DLC1: variants seen among roughly 807,000 people sequenced by gnomAD.
DLC1 encodes DLC1 Rho GTPase activating protein.
In DLC1, 54 loss-of-function variants were observed where a neutral mutation model predicts 140.3. The ratio of observed to expected loss-of-function variants is 0.38; its 90% CI spans 0.31 to 0.48. DLC1 has a LOEUF of 0.48. DLC1 is among the 20% of genes least tolerant of loss of function. DLC1 has a pLI of 0.96. For synonymous variants in DLC1, 986 were observed against 728.1 expected, an observed-to-expected ratio of 1.35 and a Z score of -5.70; for missense variants, 2,536 against 1,907.0, an observed-to-expected ratio of 1.33 and a Z score of -6.14.
At chr8:13,493,799 C>T (rs909669038) in intron 2 of DLC1, among the ~76,000 whole-genome samples, 2 of 152,132 alleles carry the variant, frequency 1.3e-5, no homozygotes, top group Non-Finnish European at 2.9e-5. Context: ...TTCTTTATGT[C>T]ACCCATTGGT....
intron 1 of DLC1, among the ~76,000 whole-genome samples, chr8:13,537,123 AT>A (rs1360601596): frequency 4.4e-5 from 6 of 136,816 alleles, no homozygotes; most frequent in Non-Finnish European, 1.0e-4. Context: ...ATAACAGTAC[AT>A]TAAAAAAAAA....
chr8:13,467,427 G>A (rs1185739775), intron 2 of DLC1, among the ~76,000 whole-genome samples: 2 of 149,452 alleles, frequency 1.3e-5, no homozygotes, highest in African/African-American at 4.9e-5. Context: ...GTTAGGTTAA[G>A]GTAGTTCTAG....
At chr8:13,567,924 G>C (rs1324702398) in intron 1 of DLC1, 11 of 1,550,016 alleles carry the variant, frequency 7.1e-6, no homozygotes, top group Non-Finnish European at 9.6e-6. Flanking sequence ...TCAAACCAGA[G>C]CTGGTGATTG....
chr8:13,465,567 G>C (rs554372866), intron 2 of DLC1, among the ~76,000 whole-genome samples: 16 of 151,820 alleles, frequency 1.1e-4, no homozygotes, highest in Admixed American at 3.9e-4. Context: ...TTTTTTGCCC[G>C]TTCTTCTTCT....
chr8:13,245,605 T>C (rs112532010), intron 5 of DLC1, among the ~76,000 whole-genome samples: 56 of 152,320 alleles, frequency 3.7e-4, no homozygotes, highest in African/African-American at 1.3e-3. Context: ...GACTTTTCTT[T>C]AGGGAAATCC....
At chr8:13,277,010 C>G (rs1024907633) in intron 5 of DLC1, 5 of 152,290 alleles carry the variant, frequency 3.3e-5, no homozygotes, top group Non-Finnish European at 7.3e-5. Context: ...ACAGATCAAT[C>G]TGGATTCCCT....
chr8:13,157,141 C>A (rs1326713909), intron 5 of DLC1, among the ~76,000 whole-genome samples: 1 of 152,218 alleles, frequency 6.6e-6, no homozygotes, highest in Non-Finnish European at 1.5e-5. Context: ...AGGATACCTA[C>A]TTCTCTGCAC....
upstream of DLC1, chr8:13,515,532 A>G (rs1347496322): frequency 6.6e-6 from 1 of 152,208 alleles, no homozygotes; most frequent in Non-Finnish European, 1.5e-5. Flanking sequence ...ATCGTATTAG[A>G]GTCTTGCTGA....
At chr8:13,295,948 T>TTG (rs1563232207) in intron 5 of DLC1, among the ~76,000 whole-genome samples, 1 of 117,946 alleles carries the variant, frequency 8.5e-6, no homozygotes, top group Non-Finnish European at 1.7e-5. Flanking sequence ...CTTTGTTTTT[T>TTG]TTTTTTTTTT....
At position 13,499,304 on chromosome 8, in the gene DLC1, C is replaced by T; in HGVS notation, c.768G>A (p.Glu256=). ...ERSTCNVVQN[E]FLDTPCTNRG... is the part of the protein sequence containing the mutation. The stretch of plus-strand genomic sequence containing the variant: ...TGTTTGTGCAAGGAGTATCCAAGAA[C>T]TCATTTTGTACTACATTGCAGGTGC... The change falls in exon 2 of 18, where the codon GAG becomes GAA. Residue 256 remains glutamate (E), a synonymous_variant. Transcript: ENST00000276297. 1 of 1,614,094 alleles carries T rather than the reference C, an allele frequency of 6.2e-7. No homozygotes were observed. Among genetic ancestry groups the T allele is most frequent in the Non-Finnish European group, 8.5e-7 (1 of 1,180,012 alleles).
intron 2 of DLC1, among the ~76,000 whole-genome samples, chr8:13,405,917 T>TTTTCTTTCTTTCCTTCTTTCTTTC (rs1554514391): frequency 3.5e-5 from 3 of 84,904 alleles, no homozygotes; most frequent in African/African-American, 1.4e-4. Flanking sequence ...CTTTCTTTTC[T>TTTTCTTTCTTTCCTTCTTTCTTTC]TTTCTTTCTT....
chr8:13,122,756 C>A (rs1202194144), intron 5 of DLC1, among the ~76,000 whole-genome samples: 1 of 151,322 alleles, frequency 6.6e-6, no homozygotes, highest in African/African-American at 2.4e-5. Flanking sequence ...AGCATTCCTG[C>A]CCTCAGGTGC....
intron 1 of DLC1, among the ~76,000 whole-genome samples, chr8:13,541,710 T>C (rs1045367691): frequency 2.6e-5 from 4 of 151,992 alleles, no homozygotes; most frequent in African/African-American, 9.7e-5. Context: ...CCACCAAGCC[T>C]GGCTAATTTT....
chr8:13,568,058 C>G, intron 1 of DLC1: 1 of 1,240,050 alleles, frequency 8.1e-7, no homozygotes, highest in African/African-American at 1.5e-5. Context: ...GATTTGAGGA[C>G]TAAGAACTTT....
chr8:13,133,269 C>G (rs1456644208), intron 5 of DLC1: 3 of 1,331,486 alleles, frequency 2.3e-6, no homozygotes, highest in South Asian at 1.7e-5. Context: ...AGCGCCCTCG[C>G]TCGGGCAGTC....
intron 1 of DLC1, among the ~76,000 whole-genome samples, chr8:13,580,534 G>T (rs1246768441): frequency 1.3e-5 from 2 of 152,108 alleles, no homozygotes; most frequent in African/African-American, 4.8e-5. Context: ...CAGTGGTGGG[G>T]GTCATTGCCT....
At chr8:13,303,147 A>C (rs1362599550) in intron 5 of DLC1, among the ~76,000 whole-genome samples, 1 of 152,222 alleles carries the variant, frequency 6.6e-6, no homozygotes, top group Non-Finnish European at 1.5e-5. Flanking sequence ...ATATATCAGC[A>C]TATCCTCCAG....
chr8:13,540,264 C>A (rs1440872694), intron 1 of DLC1, among the ~76,000 whole-genome samples: 2 of 152,058 alleles, frequency 1.3e-5, no homozygotes, highest in African/African-American at 4.8e-5. Flanking sequence ...TCATTATGAT[C>A]ATTTCCATGG....
intron 5 of DLC1, among the ~76,000 whole-genome samples, chr8:13,204,964 A>G (rs890126158): frequency 6.6e-6 from 1 of 152,172 alleles, no homozygotes; most frequent in African/African-American, 2.4e-5. Context: ...TATGACACTA[A>G]TTGGCTTGCT....
Sources: gnomAD v4.1 joint callset for allele counts (sites outside exome capture counted in the v4.1 genomes callset) on GRCh38, gnomAD v4.1.1 for gene constraint, MANE v1.5 for transcripts, NCBI Gene and HGNC (gene_info 2026-07-23, HGNC 2026-07-21) for gene names.